Variants in PPEF2 observed in about 807,000 individuals in gnomAD.
PPEF2 encodes the protein protein phosphatase with EF-hand domain 2.
In PPEF2, 84 loss-of-function variants were observed where a neutral mutation model predicts 84.7. The ratio of observed to expected loss-of-function variants is 0.99; its 90% CI spans 0.83 to 1.19. PPEF2 has a LOEUF of 1.19. Among genes scored for constraint, PPEF2 ranks in the 50% most tolerant of loss-of-function variants. The pLI is 0.00. For synonymous variants in PPEF2, 346 were observed against 345.2 expected (o/e 1.00, Z -0.03); for missense variants, 924 against 937.5 (o/e 0.99, Z 0.19).
chr4:75,865,320 G>A (rs1724101291), intron 15 of PPEF2, among the ~76,000 whole-genome samples: 1 of 152,136 alleles, frequency 6.6e-6, no homozygotes, highest in Non-Finnish European at 1.5e-5. Context: ...AGAAAGCAAA[G>A]GTGTCAGATG....
intron 13 of PPEF2, among the ~76,000 whole-genome samples, chr4:75,871,172 A>G (rs1827764): frequency 0.99 from 150,218 of 151,584 alleles, 74,446 homozygotes; most frequent in Middle Eastern, 1. Context: ...CACCCGCCTC[A>G]GCCTCCCAAA....
At chr4:75,870,011 G>C (rs1724230869) in intron 13 of PPEF2, among the ~76,000 whole-genome samples, 1 of 152,148 alleles carries the variant, frequency 6.6e-6, no homozygotes, top group Non-Finnish European at 1.5e-5. Flanking sequence ...TGATTTCTGG[G>C]TAAATCAGGT....
intron 13 of PPEF2, among the ~76,000 whole-genome samples, chr4:75,867,867 T>C (rs1724169594): frequency 6.6e-6 from 1 of 152,200 alleles, no homozygotes; most frequent in Admixed American, 6.5e-5. Context: ...TTGTAATTTA[T>C]TATCATGTGA....
chr4:75,860,696 T>TG lies in PPEF2; in HGVS notation c.2232dup (p.Ser745GlnfsTer30). On this transcript the variant is annotated frameshift_variant, in exon 17 of 17. Coordinates refer to ENST00000286719, the MANE Select transcript of PPEF2 (RefSeq NM_006239.3). LOFTEE classifies it low-confidence loss of function (END_TRUNC). ...TGTGCACCTGGACTGCTGCAGCCAC[T>TG]GTCTTTAGCATTTGTAGCTTGTGGG... The TG allele has an allele frequency of 1.2e-6, 2 of 1,614,226 alleles. No homozygotes were observed. The highest frequency in any genetic ancestry group is 1.7e-4 in the Middle Eastern group (1 of 6,048).
chr4:75,876,232 G>C, intron 11 of PPEF2, 55 bp downstream of exon 11: 2 of 1,519,142 alleles, frequency 1.3e-6, no homozygotes, highest in Non-Finnish European at 1.8e-6. Flanking sequence ...CTGGAAGGGA[G>C]AGTTTTGACC....
intron 4 of PPEF2, among the ~76,000 whole-genome samples, chr4:75,890,478 G>T (rs1174336238): frequency 1.0e-5 from 1 of 95,960 alleles, no homozygotes; most frequent in African/African-American, 3.6e-5. Context: ...GATAGAGTGA[G>T]ACCCTGTCTC....
Position 75,867,410 on chromosome 4 carries a change from T to A in PPEF2, c.1659A>T (p.Arg553Ser). ...HTLTMRQRIS[R>S]VEESALRALR... ...GAGCTCTCAGAGCCGACTCCTCCACTCTGCTAATCCTGGGACAGGAGATGA... is the reference window on the plus strand; with the variant it reads ...GAGCTCTCAGAGCCGACTCCTCCACACTGCTAATCCTGGGACAGGAGATGA... Residue 553 changes from arginine (R) to serine (S), a missense_variant, in exon 14 of 17, where the codon AGA (arginine) becomes AGT (serine). Coordinates refer to ENST00000286719, the MANE Select transcript of PPEF2 (RefSeq NM_006239.3). The A allele has an allele frequency of 6.2e-7, 1 of 1,612,980 alleles. No individual in the cohort carries two copies. Among genetic ancestry groups the A allele is most frequent in the Non-Finnish European group, 8.5e-7 (1 of 1,179,170 alleles).
intron 1 of PPEF2, among the ~76,000 whole-genome samples, chr4:75,899,334 C>T (rs1725071258): frequency 6.6e-6 from 1 of 152,148 alleles, no homozygotes; most frequent in South Asian, 2.1e-4. Context: ...ATGCAATTGT[C>T]TCTTCAAAAT....
At position 75,890,003 on chromosome 4, in the gene PPEF2, A is replaced by C. The variant is rs764601994; in HGVS notation, c.371T>G (p.Leu124Arg). ...TACCAGGGCAGTTGCATGGTCAGGC[A>C]GGAGTGGGAAGGAGAGGCGTGGCCC... ...YTGPRLSFPL[L>R]PDHATALVEA... Residue 124 changes from leucine (L) to arginine (R), a missense_variant, in exon 5 of 17, where the codon CTG becomes CGG. Leu to Arg is a moderately radical substitution (Grantham distance 102). Transcript: ENST00000286719. 6.2e-7 allele frequency: 1 copy of C among 1,614,164 alleles called. No individual in the cohort carries two copies. Among genetic ancestry groups the C allele is most frequent in the East Asian group, 2.2e-5 (1 of 44,882 alleles).
At chr4:75,883,294 A>G in intron 8 of PPEF2, 92 bp from the exon 9 acceptor site, 1 of 1,175,088 alleles carries the variant, frequency 8.5e-7, no homozygotes, top group African/African-American at 1.5e-5. Flanking sequence ...TATTCTGGGT[A>G]TATGTACTTA....
At chr4:75,867,232 AT>A (rs1724151736) in intron 14 of PPEF2, 80 bp downstream of exon 14, 1 of 1,061,476 alleles carries the variant, frequency 9.4e-7, no homozygotes, top group Non-Finnish European at 1.4e-6. Context: ...AGCAACAAAT[AT>A]TTATTTGCTA....
In PPEF2 at chr4:75,876,645, C is replaced by G; in HGVS notation, c.962G>C (p.Arg321Thr). The change falls in exon 11 of 17, where the codon AGA becomes ACA. Residue 321 changes from arginine to threonine, a missense_variant. Arg to Thr is a moderately conservative substitution (Grantham distance 71). Coordinates refer to ENST00000286719, the MANE Select transcript of PPEF2 (RefSeq NM_006239.3). ...CTCCATCTGCTTCTCACTCTTCTGT[C>G]TCGTTTTGCACCTCATGGTGGAAAC... ...KIVSTMRCKTRQKSEKQMEEK... is the reference protein window; with the variant it reads ...KIVSTMRCKTTQKSEKQMEEK... The G allele has an allele frequency of 6.4e-7, 1 of 1,570,492 alleles. No homozygotes were observed. Among genetic ancestry groups the G allele is most frequent in the South Asian group, 1.2e-5 (1 of 84,606 alleles).
intron 16 of PPEF2, among the ~76,000 whole-genome samples, chr4:75,862,292 C>CAAAAA (rs545540824): frequency 2.6e-5 from 2 of 77,412 alleles, no homozygotes; most frequent in African/African-American, 9.7e-5. Context: ...GACTCCATCT[C>CAAAAA]AAAAAAAAAA....
chr4:75,876,467 G>T lies in PPEF2; in HGVS notation c.1140C>A (p.Ser380=), dbSNP rs947153836. The change falls in exon 11 of 17, where the codon TCC becomes TCA. Residue 380 remains serine (S), a synonymous_variant. Coordinates refer to ENST00000286719, the MANE Select transcript of PPEF2 (RefSeq NM_006239.3). The part of the protein sequence containing the change: ...SRSSSIPCSG[S]LDGRELSRQV... ...GCCGGGAGAGCTCCCGCCCGTCCAG[G>T]GAACCGCTGCAGGGGATGCTGGAGG... is the stretch of plus-strand genomic sequence containing the variant. 1 of 1,613,896 alleles carries T rather than the reference G, an allele frequency of 6.2e-7. No individual in the cohort carries two copies. The highest frequency in any genetic ancestry group is 8.5e-7 in the Non-Finnish European group (1 of 1,179,942).
chr4:75,877,261 C>G (rs181641324), intron 10 of PPEF2, among the ~76,000 whole-genome samples: 1 of 151,640 alleles, frequency 6.6e-6, no homozygotes, highest in East Asian at 1.9e-4. Context: ...TGCTTGAACC[C>G]GGGAGGCGGA....
chr4:75,862,120 C>T (rs1482373482), intron 16 of PPEF2, among the ~76,000 whole-genome samples: 1 of 150,740 alleles, frequency 6.6e-6, no homozygotes, highest in Non-Finnish European at 1.5e-5. Flanking sequence ...TGGTGAAACC[C>T]CGTCTCTACT....
chr4:75,887,481 C>T (rs1724757740), intron 6 of PPEF2, among the ~76,000 whole-genome samples: 1 of 151,922 alleles, frequency 6.6e-6, no homozygotes, highest in South Asian at 2.1e-4. Context: ...ATTAGCCGGG[C>T]GTGGTGGCGG....
At chr4:75,876,239 G>C in intron 11 of PPEF2, 48 bp downstream of exon 11, 1 of 1,536,044 alleles carries the variant, frequency 6.5e-7, no homozygotes, top group African/African-American at 1.4e-5. Context: ...GGAGAGTTTT[G>C]ACCTGTTGGC....
intron 4 of PPEF2, among the ~76,000 whole-genome samples, chr4:75,890,490 A>C (rs1301284351): frequency 6.1e-5 from 1 of 16,498 alleles, no homozygotes; most frequent in Non-Finnish European, 3.1e-4. Context: ...CCCTGTCTCA[A>C]AAAAAAAAAA....
Sources: allele counts gnomAD v4.1 joint callset (sites outside exome capture counted in the v4.1 genomes callset), GRCh38; gene constraint gnomAD v4.1.1; transcripts MANE v1.5; gene names NCBI Gene and HGNC (gene_info 2026-07-23, HGNC 2026-07-21).